Variants in UMODL1 observed in about 807,000 individuals in gnomAD.
UMODL1 encodes the protein uromodulin like 1.
UMODL1 carries 128 observed loss-of-function variants against 136.3 expected under a neutral mutation model. The observed-to-expected ratio is 0.94, with a 90% CI of 0.81 to 1.09. UMODL1 has a LOEUF of 1.09. UMODL1 is among the 50% of genes least tolerant of loss of function. The pLI is 0.00. For missense variants in UMODL1, 1,766 were observed against 1,725.6 expected, an observed-to-expected ratio of 1.02 and a Z score of -0.41; for synonymous variants, 721 against 720.0, an observed-to-expected ratio of 1.00 and a Z score of -0.02.
chr21:42,106,071 G>T (rs1215048038), intron 9 of UMODL1, among the ~76,000 whole-genome samples: 1 of 152,124 alleles, frequency 6.6e-6, no homozygotes, highest in Non-Finnish European at 1.5e-5. Flanking sequence ...TGAGCTGGGG[G>T]GTCAGCTGTG....
intron 3 of UMODL1, 81 bp downstream of exon 3, chr21:42,084,326 G>A (rs1024988065): frequency 1.4e-6 from 2 of 1,480,102 alleles, no homozygotes; most frequent in Non-Finnish European, 1.8e-6. Context: ...AGGTGTGGGG[G>A]GGAGTGTGTT....
At chr21:42,118,251 G>A (rs2066924288) in intron 14 of UMODL1, among the ~76,000 whole-genome samples, 1 of 152,242 alleles carries the variant, frequency 6.6e-6, no homozygotes. Context: ...CATCTACTGA[G>A]CCAACCAAGG....
intron 21 of UMODL1, among the ~76,000 whole-genome samples, chr21:42,135,554 C>A (rs551130450): frequency 1.1e-4 from 16 of 152,218 alleles, no homozygotes; most frequent in African/African-American, 3.9e-4. Context: ...TTCTACTCTG[C>A]ATCCTCAGGG....
chr21:42,108,403 G>A (rs780909466), intron 9 of UMODL1: 45 of 499,210 alleles, frequency 9.0e-5, no homozygotes, highest in Non-Finnish European at 1.3e-4. Flanking sequence ...TGGCATAGCT[G>A]TTGTGGCAGC....
intron 2 of UMODL1, 62 bp downstream of exon 2, chr21:42,076,309 C>T: frequency 6.2e-7 from 1 of 1,600,662 alleles, no homozygotes. Flanking sequence ...CCTGATGGGA[C>T]AGTCACCGTT....
intron 21 of UMODL1, among the ~76,000 whole-genome samples, chr21:42,130,105 T>A (rs548984608): frequency 6.6e-6 from 1 of 152,318 alleles, no homozygotes; most frequent in East Asian, 1.9e-4. Flanking sequence ...CAAAGTTACA[T>A]AATGAAATGT....
In UMODL1 at chr21:42,122,769, C is replaced by A. The variant is rs1429479809; in HGVS notation, c.2828-62C>A. 16 of 1,505,614 alleles carry A rather than the reference C, an allele frequency of 1.1e-5. No individual in the cohort carries two copies. The highest frequency in any genetic ancestry group is 2.1e-5 in the Admixed American group (1 of 46,872). The allele number at this position is 1,505,614 out of a possible 1,614,324, so 93.3% of individuals were successfully genotyped here. On this transcript the variant is annotated intron_variant, in intron 16 of 22. Transcript: ENST00000408910. This position sits in a 1 kb window ranked among gnomAD's most constrained non-coding sequence, Gnocchi z 4.3. ...AGCTCCAGTCTGCTCCTTACCCCTG[C>A]CCCTCCATGCCAACCCCAAACACAG...
In UMODL1 at chr21:42,119,310, A is replaced by C; in HGVS notation, c.2675A>C (p.Asp892Ala). The change falls in exon 15 of 23, where the codon GAC becomes GCC. Residue 892 changes from aspartate (D) to alanine (A), a missense_variant. Coordinates refer to ENST00000408910, the MANE Select transcript of UMODL1 (RefSeq NM_001004416.3). ...TVPLLEVIRG[D>A]TFIQDYDECE... ...CCTCTGCTGGAGGTGATCAGAGGCG[A>C]CACCTTCATACAGGGTACGAGAGGC... The C allele has an allele frequency of 1.9e-6, 3 of 1,613,948 alleles. No homozygotes were observed. The highest frequency in any genetic ancestry group is 2.5e-6 in the Non-Finnish European group (3 of 1,180,006).
intron 1 of UMODL1, among the ~76,000 whole-genome samples, chr21:42,063,853 C>G (rs2073051651): frequency 6.6e-6 from 1 of 152,190 alleles, no homozygotes; most frequent in South Asian, 2.1e-4. Context: ...CACCAGCCTC[C>G]CATGGGTGGA....
intron 1 of UMODL1, among the ~76,000 whole-genome samples, chr21:42,063,427 T>C (rs188557633): frequency 6.6e-6 from 1 of 152,332 alleles, no homozygotes; most frequent in Non-Finnish European, 1.5e-5. Context: ...CCCAAACAGA[T>C]TCTAAGCTGC....
rs776602090 is a variant in UMODL1 at position 42,123,106 on chromosome 21, C to T, written c.3103C>T (p.Leu1035Phe). 30 of 1,613,954 alleles carry T rather than the reference C, an allele frequency of 1.9e-5. No homozygotes were observed. The highest frequency in any genetic ancestry group is 2.5e-5 in the Non-Finnish European group (30 of 1,179,978). The change falls in exon 17 of 23, where the codon CTC becomes TTC. Residue 1035 changes from leucine (L) to phenylalanine (F), a missense_variant. By Grantham distance (22) the Leu-to-Phe change is conservative. Transcript: ENST00000408910. This position sits in a 1 kb window ranked among gnomAD's most constrained non-coding sequence, Gnocchi z 4.4. Reference sequence around the variant, plus strand: ...GAGCCACAGCAATGGCACACACGTGCTCCTGGAGGCCGGCTGGAGCGAGTG... The same window carrying T: ...GAGCCACAGCAATGGCACACACGTGTTCCTGGAGGCCGGCTGGAGCGAGTG... ...NVSHSNGTHVLLEAGWSECGT... is the reference protein window; with the variant it reads ...NVSHSNGTHVFLEAGWSECGT...
At chr21:42,141,299 A>T (rs73373680) in intron 22 of UMODL1, among the ~76,000 whole-genome samples, 1,732 of 152,190 alleles carry the variant, frequency 0.011, 39 homozygotes, top group African/African-American at 0.04. Context: ...TGTGAGGGGG[A>T]TGCTTGTGTT....
chr21:42,067,237 C>T (rs1157258347), upstream of UMODL1, among the ~76,000 whole-genome samples: 1 of 152,078 alleles, frequency 6.6e-6, no homozygotes, highest in Non-Finnish European at 1.5e-5. Flanking sequence ...TCCCAAAGTG[C>T]TGGGATTACA....
chr21:42,076,758 A>G (rs1426440227), intron 2 of UMODL1, among the ~76,000 whole-genome samples: 2 of 152,120 alleles, frequency 1.3e-5, no homozygotes, highest in Non-Finnish European at 2.9e-5. Context: ...CCAAAATCCT[A>G]TTCTGAACTC....
chr21:42,065,115 G>A lies in UMODL1; in HGVS notation c.-141+1901G>A, dbSNP rs568578732. ...GTCCTTTTATCCCAACCTCAGCCCC[G>A]GCAGAAAGACTCCGCGCCTTGGGAC... On this transcript the variant is annotated intron_variant, in intron 1 of 22. Coordinates refer to the UMODL1 transcript ENST00000400424. Among the ~76,000 whole-genome samples the A allele has an allele frequency of 6.6e-5, 10 of 152,218 alleles. 1 individual carries two copies. The South Asian group carries it at 1.7e-3, about 25-fold the overall frequency.
intron 10 of UMODL1, among the ~76,000 whole-genome samples, chr21:42,110,078 G>T (rs114120589): frequency 7.6e-6 from 1 of 130,806 alleles, no homozygotes; most frequent in African/African-American, 3.0e-5. Flanking sequence ...AGCCCGAGAG[G>T]GTGTGGCCTG....
chr21:42,124,922 G>A (rs182718286), intron 17 of UMODL1, among the ~76,000 whole-genome samples: 1 of 152,304 alleles, frequency 6.6e-6, no homozygotes, highest in East Asian at 1.9e-4. Context: ...ACGCTCTGCG[G>A]CTGAGCCCTG....
intron 2 of UMODL1, among the ~76,000 whole-genome samples, chr21:42,083,793 G>T (rs2066390563): frequency 6.6e-6 from 1 of 152,258 alleles, no homozygotes. Flanking sequence ...GGCCCTTTCA[G>T]GGGGTGGTGG....
At position 42,085,572 on chromosome 21, in the gene UMODL1, A is replaced by G. The variant is rs2066417124; in HGVS notation, c.603+160A>G. The G allele has an allele frequency of 1.8e-6, 2 of 1,138,186 alleles. No individual in the cohort carries two copies. Among genetic ancestry groups the G allele is most frequent in the African/African-American group, 1.5e-5 (1 of 64,796 alleles). The allele number at this position is 1,138,186 out of a possible 1,614,324, so 70.5% of individuals were successfully genotyped here. On this transcript the variant is annotated intron_variant, in intron 4 of 22. Transcript: ENST00000408910. This position sits in a 1 kb window ranked among gnomAD's most constrained non-coding sequence, Gnocchi z 4.5. ...TGAACGAAATTCTAGTTCTTAAAAA[A>G]TCAGCTTCAAAGAGGTATGATTTAC...
Sources: allele counts gnomAD v4.1 joint callset (sites outside exome capture counted in the v4.1 genomes callset), GRCh38; gene constraint gnomAD v4.1.1; non-coding constraint Gnocchi (gnomAD v3.1); transcripts MANE v1.5; gene names NCBI Gene and HGNC (gene_info 2026-07-23, HGNC 2026-07-21).